The following NBPF20 variants were observed in gnomAD, a reference collection of about 807,000 sequenced individuals.
NBPF20 encodes the protein NBPF family member NBPF20.
NBPF20 carries 90 observed loss-of-function variants against 68.1 expected under a neutral mutation model. The observed-to-expected ratio is 1.32, with a 90% CI of 1.11 to 1.58. The LOEUF is 1.58. Ranked by LOEUF, NBPF20 falls within the 40% of genes most tolerant of loss-of-function variation. NBPF20 has a pLI of 0.00. For missense variants in NBPF20, 816 were observed against 601.2 expected (o/e 1.36, Z -3.74); for synonymous variants, 290 against 228.1 (o/e 1.27, Z -2.45).
intron 9 of NBPF20, 47 bp from the exon 15 acceptor site, chr1:145,393,293 A>G: frequency 1.5e-6 from 1 of 669,700 alleles, no homozygotes; most frequent in Non-Finnish European, 2.7e-6. Context: ...GGAATCAGAA[A>G]CCACACAGCC....
chr1:145,402,438 A>G, intron 3 of NBPF20, 57 bp from the exon 9 acceptor site: 12 of 1,583,364 alleles, frequency 7.6e-6, no homozygotes, highest in Non-Finnish European at 9.5e-6. Context: ...ATCCGCTCAA[A>G]TATTGCAACA....
At chr1:145,416,036 C>G in the NBPF20 span, among the ~76,000 whole-genome samples, 1 of 150,182 alleles carries the variant, frequency 6.7e-6, no homozygotes, top group African/African-American at 2.4e-5. Flanking sequence ...GAGGCTGAGG[C>G]AGGAGAATCA....
At chr1:145,408,220 C>T (rs1553668237), upstream of NBPF20, 1 of 171,880 alleles carries the variant, frequency 5.8e-6, no homozygotes, top group African/African-American at 2.4e-5. Context: ...CTTTGCCTGC[C>T]TTTCCTTCAC....
chr1:145,291,395 A>G (rs1212222195), exon 138 of NBPF20: 12 of 1,582,472 alleles, frequency 7.6e-6, no homozygotes, highest in Non-Finnish European at 1.0e-5. Flanking sequence ...GTTTGAGAAT[A>G]GGAATACAGC....
chr1:145,393,697 G>C (rs1662058669), intron 9 of NBPF20, 187 bp downstream of exon 14: 3 of 1,450,262 alleles, frequency 2.1e-6, no homozygotes, highest in South Asian at 2.5e-5. Flanking sequence ...GTTAGTAAAT[G>C]ATAAGGGTAG....
At chr1:145,403,360 CA>C in intron 2 of NBPF20, 42 bp from the exon 8 acceptor site, 1 of 1,499,264 alleles carries the variant, frequency 6.7e-7, no homozygotes. Context: ...GAAGGCTGGA[CA>C]TGCTGCTGTG....
exon 138 of NBPF20, chr1:145,290,355 A>T (rs1437286860): frequency 1.3e-5 from 2 of 149,504 alleles, no homozygotes. Context: ...TGATATCATA[A>T]TGGTGATGGA....
intron 7 of NBPF20, among the ~76,000 whole-genome samples, chr1:145,397,461 C>A (rs1553664198): frequency 5.8e-4 from 89 of 152,312 alleles, no homozygotes; most frequent in Non-Finnish European, 1.0e-3. Flanking sequence ...ATTTTCAACC[C>A]AGAATTTCAT....
At chr1:145,425,573 G>A in the NBPF20 span, among the ~76,000 whole-genome samples, 2 of 152,224 alleles carry the variant, frequency 1.3e-5, no homozygotes, top group Non-Finnish European at 2.9e-5. Context: ...CCTGCGGCCA[G>A]CTGGATCCTC....
chr1:145,403,052 T>C (rs1476189753), intron 3 of NBPF20, among the ~76,000 whole-genome samples, 164 bp downstream of exon 8: 1 of 152,102 alleles, frequency 6.6e-6, no homozygotes, highest in African/African-American at 2.4e-5. Context: ...ACATTTTTAT[T>C]ATCCTTCTTC....
At chr1:145,421,920 C>A in the NBPF20 span, among the ~76,000 whole-genome samples, 1 of 152,010 alleles carries the variant, frequency 6.6e-6, no homozygotes, top group Non-Finnish European at 1.5e-5. Flanking sequence ...TGCCTGTAGA[C>A]CCAGCTACTA....
At chr1:145,398,582 G>A (rs1176896831) in intron 7 of NBPF20, among the ~76,000 whole-genome samples, 4 of 152,130 alleles carry the variant, frequency 2.6e-5, no homozygotes, top group Non-Finnish European at 5.9e-5. Context: ...AAAGCAATGT[G>A]TAGAGGGAAA....
At chr1:145,406,144 C>A (rs1240180388), upstream of NBPF20, among the ~76,000 whole-genome samples, 3 of 143,798 alleles carry the variant, frequency 2.1e-5, no homozygotes, top group Non-Finnish European at 4.5e-5. Flanking sequence ...ACTGTGTTAG[C>A]CACGATGGTC....
the NBPF20 span, among the ~76,000 whole-genome samples, chr1:145,410,605 G>A: frequency 4.5e-4 from 68 of 151,052 alleles, 1 homozygote; most frequent in Middle Eastern, 3.5e-3. Flanking sequence ...GAGCCACCGC[G>A]CCCGGCCCCA....
chr1:145,422,016 A>G, the NBPF20 span, among the ~76,000 whole-genome samples: 281 of 152,040 alleles, frequency 1.8e-3, no homozygotes, highest in African/African-American at 6.4e-3. Context: ...CCAGCCTGGG[A>G]AACAGAGCGA....
At chr1:145,405,679 C>T (rs1446895812), upstream of NBPF20, 8 of 551,888 alleles carry the variant, frequency 1.4e-5, no homozygotes, top group Non-Finnish European at 2.6e-5. Flanking sequence ...ACCTGAGGGT[C>T]ACCACCAATG....
Position 145,393,926 on chromosome 1 carries a change from C to T in NBPF20, c.1001G>A (p.Trp334Ter). 1.4e-6 allele frequency: 2 copies of T among 1,397,398 alleles called. No individual in the cohort carries two copies. Among genetic ancestry groups the T allele is most frequent in the Admixed American group, 1.7e-5 (1 of 59,764 alleles). The allele number at this position is 1,397,398 out of a possible 1,614,324, so 86.6% of individuals were successfully genotyped here. Residue 334 changes from tryptophan to a stop codon, truncating the protein, a stop_gained, in exon 9 of 138, where the codon TGG (tryptophan) becomes TAG (stop). Coordinates refer to ENST00000369373, the Ensembl canonical transcript of NBPF20. LOFTEE classifies it high-confidence loss of function. The stretch of plus-strand genomic sequence containing the variant: ...TTGGTCCTCCTTTTTCACTTGATCC[C>T]ACCGATGTCCTGCAAATAAATTCAG...
chr1:145,402,745 T>C (rs1324199940), intron 3 of NBPF20, among the ~76,000 whole-genome samples: 76 of 146,082 alleles, frequency 5.2e-4, no homozygotes, highest in East Asian at 1.3e-3. Context: ...GATACAAAGC[T>C]ATGTACAGAA....
intron 4 of NBPF20, 22 bp downstream of exon 9, chr1:145,402,145 T>A (rs1662552250): frequency 7.1e-7 from 1 of 1,415,828 alleles, no homozygotes; most frequent in Admixed American, 1.7e-5. Flanking sequence ...TTTTGGGTCA[T>A]CAGGGCCTAT....
Sources: allele counts gnomAD v4.1 joint callset (sites outside exome capture counted in the v4.1 genomes callset), GRCh38; gene constraint gnomAD v4.1.1; transcripts MANE v1.5; gene names NCBI Gene and HGNC (gene_info 2026-07-23, HGNC 2026-07-21).